RGPD3: variants seen among roughly 807,000 people sequenced by gnomAD.
RGPD3 encodes the protein ranBP2-like and GRIP domain-containing protein 3.
Under a neutral mutation model 154.5 loss-of-function variants are expected in RGPD3, and 62 were observed. That is an observed-to-expected ratio of 0.40 (90% confidence interval 0.33 to 0.50). RGPD3 has a LOEUF of 0.50. Among genes scored for constraint, RGPD3 ranks in the 20% least tolerant of loss-of-function variants. The probability of loss-of-function intolerance (pLI) is 0.59; values close to 1 mark genes in which losing one functional copy is unlikely to be tolerated. For synonymous variants in RGPD3, 308 were observed against 607.0 expected (o/e 0.51, Z 7.24); for missense variants, 919 against 1,716.8 (o/e 0.54, Z 8.21).
chr2:106,461,554 T>G (rs75076441), intron 1 of RGPD3, among the ~76,000 whole-genome samples: 8,887 of 151,922 alleles, frequency 0.058, 363 homozygotes, highest in Non-Finnish European at 0.087. Flanking sequence ...TTATATAATC[T>G]TCCATTCAAT....
At chr2:106,464,440 G>A (rs1335384089) in intron 1 of RGPD3, among the ~76,000 whole-genome samples, 1 of 151,176 alleles carries the variant, frequency 6.6e-6, no homozygotes, top group Non-Finnish European at 1.5e-5. Context: ...ATGAAGTATA[G>A]ATGTAAAGGG....
intron 21 of RGPD3, among the ~76,000 whole-genome samples, chr2:106,413,507 T>G (rs1676733353): frequency 6.6e-6 from 1 of 152,210 alleles, no homozygotes; most frequent in African/African-American, 2.4e-5. Context: ...AAACCGGAAC[T>G]CCAACTATGA....
Position 106,405,060 on chromosome 2 carries a change from A to T in RGPD3, c.*159T>A. ...GATGTACAAATATATGTAAATGCAA[A>T]CATATACACACTTTTTGACAAAAGA... is the stretch of plus-strand genomic sequence containing the variant. On this transcript the variant is annotated 3_prime_UTR_variant, in exon 23 of 23. Coordinates refer to ENST00000409886, the MANE Select transcript of RGPD3 (RefSeq NM_001144013.2). 5.2e-6 allele frequency: 4 copies of T among 769,756 alleles called. No homozygotes were observed. The South Asian group carries it at 5.5e-5, about 11-fold the overall frequency. 47.7% of individuals were successfully genotyped at this position (769,756 alleles called of 1,614,324 possible).
At chr2:106,442,030 T>C (rs990543893) in intron 7 of RGPD3, among the ~76,000 whole-genome samples, 1 of 99,404 alleles carries the variant, frequency 1.0e-5, no homozygotes, top group African/African-American at 4.1e-5. Flanking sequence ...AAGTTTTTTT[T>C]AATTAGCCAG....
chr2:106,462,041 GC>G (rs1397133331), intron 1 of RGPD3, among the ~76,000 whole-genome samples: 3 of 151,776 alleles, frequency 2.0e-5, no homozygotes, highest in Non-Finnish European at 4.4e-5. Context: ...ACACCACCAT[GC>G]CCAGCTAATT....
chr2:106,467,949 C>T (rs1433406754), intron 1 of RGPD3, among the ~76,000 whole-genome samples: 1 of 138,164 alleles, frequency 7.2e-6, no homozygotes, highest in Non-Finnish European at 1.6e-5. Flanking sequence ...GGAGCCATGA[C>T]GCCTGAGCCA....
At chr2:106,460,902 TAC>T (rs1178094854) in intron 1 of RGPD3, among the ~76,000 whole-genome samples, 4 of 19,060 alleles carry the variant, frequency 2.1e-4, no homozygotes, top group Admixed American at 8.4e-4. Context: ...ATCCATGTGA[TAC>T]AGAGTATACA....
chr2:106,415,697 A>AAAAAAAAAAAAAAAAAT (rs1491421236), intron 21 of RGPD3, among the ~76,000 whole-genome samples, 153 bp downstream of exon 21: 3 of 134,626 alleles, frequency 2.2e-5, no homozygotes, highest in African/African-American at 9.1e-5. Flanking sequence ...AAAAAAAAAA[A>AAAAAAAAAAAAAAAAAT]GGCAATATTT....
In RGPD3 at chr2:106,424,294, C is replaced by G. The variant is rs1466726584; in HGVS notation, c.3673G>C (p.Gly1225Arg). Residue 1225 changes from glycine (G) to arginine (R), a missense_variant, in exon 20 of 23, where the codon GGT becomes CGT. Physicochemically the swap from Gly to Arg is moderately radical, Grantham distance 125. Coordinates refer to ENST00000409886, the MANE Select transcript of RGPD3 (RefSeq NM_001144013.2). The part of the protein sequence containing the change: ...KVAEEENKGS[G>R]TGAAGASDTT... The stretch of plus-strand genomic sequence containing the variant: ...TCTGAGGCACCGGCCGCACCTGTAC[C>G]TGAACCCTTATTTTCTTCCTCAGCG... 9 of 1,611,872 alleles carry G rather than the reference C, an allele frequency of 5.6e-6. No individual in the cohort carries two copies. The highest frequency in any genetic ancestry group is 7.6e-6 in the Non-Finnish European group (9 of 1,179,880).
chr2:106,468,499 C>T (rs1202261891), upstream of RGPD3: 1 of 982,814 alleles, frequency 1.0e-6, no homozygotes, highest in South Asian at 1.7e-5. Flanking sequence ...CTTGGCAGCA[C>T]CCTGTGCTCT....
intron 6 of RGPD3, among the ~76,000 whole-genome samples, chr2:106,451,936 T>C (rs1369833669): frequency 1.4e-5 from 2 of 147,284 alleles, no homozygotes; most frequent in Non-Finnish European, 3.0e-5. Flanking sequence ...AGCTTGACTA[T>C]GACAAAACTG....
chr2:106,457,215 A>C lies in RGPD3; in HGVS notation c.253-92T>G, dbSNP rs1678257148. ...CTTATATACTTATATATAAAGGTTA[A>C]AAATTATCACTCCAACCCTTAAAAA... On this transcript the variant is annotated intron_variant, in intron 3 of 22. Transcript: ENST00000409886. 1.1e-5 allele frequency: 17 copies of C among 1,506,922 alleles called. No homozygotes were observed. The South Asian group carries it at 2.1e-4, about 18-fold the overall frequency. The allele number at this position is 1,506,922 out of a possible 1,614,324, so 93.3% of individuals were successfully genotyped here.
intron 20 of RGPD3, among the ~76,000 whole-genome samples, chr2:106,418,113 C>G (rs1268450509): frequency 7.0e-6 from 1 of 143,562 alleles, no homozygotes; most frequent in Non-Finnish European, 1.5e-5. Flanking sequence ...GGTGACAGAG[C>G]AAGACTCCAG....
At position 106,457,049 on chromosome 2, in the gene RGPD3, A is replaced by G; in HGVS notation, c.327T>C (p.Val109=). The G allele has an allele frequency of 3.7e-6, 6 of 1,611,632 alleles. No individual in the cohort carries two copies. The highest frequency in any genetic ancestry group is 3.4e-6 in the Non-Finnish European group (4 of 1,179,636). ...KIAELLCKND[V]TDGRAEYWVE... is the part of the protein sequence containing the mutation. ...CCCAGTATTCTGCTCTTCCATCAGTAACATCATTTTTACAAAGCAATTCTG... is the reference window on the plus strand; with the variant it reads ...CCCAGTATTCTGCTCTTCCATCAGTGACATCATTTTTACAAAGCAATTCTG... Residue 109 remains valine (V), a synonymous_variant, in exon 4 of 23, where the codon GTT becomes GTC. Coordinates refer to ENST00000409886, the MANE Select transcript of RGPD3 (RefSeq NM_001144013.2).
intron 1 of RGPD3, among the ~76,000 whole-genome samples, chr2:106,461,768 G>A (rs1012823446): frequency 2.6e-5 from 4 of 151,624 alleles, no homozygotes; most frequent in African/African-American, 4.8e-5. Flanking sequence ...ATTACAAAAC[G>A]TTGCTCAATG....
In RGPD3 at chr2:106,436,114, A is replaced by C. The variant is rs1221529292; in HGVS notation, c.1758+9T>G. On this transcript the variant is annotated intron_variant, in intron 12 of 22. Transcript: ENST00000409886. Reference sequence around the variant, plus strand: ...TGTTCTTTTAAAATGCTTATACTTTAAAACTCACCATTTTCTGAAGGCATT... The same window carrying C: ...TGTTCTTTTAAAATGCTTATACTTTCAAACTCACCATTTTCTGAAGGCATT... The C allele has an allele frequency of 6.2e-6, 10 of 1,601,794 alleles. No individual in the cohort carries two copies. Among genetic ancestry groups the C allele is most frequent in the Non-Finnish European group, 8.5e-6 (10 of 1,176,876 alleles).
chr2:106,423,940 C>G lies in RGPD3; in HGVS notation c.4027G>C (p.Asp1343His). The G allele has an allele frequency of 6.2e-7, 1 of 1,611,792 alleles. No homozygotes were observed. The highest frequency in any genetic ancestry group is 1.1e-5 in the South Asian group (1 of 90,966). The change falls in exon 20 of 23, where the codon GAT (aspartate) becomes CAT (histidine). Residue 1343 changes from aspartate to histidine, a missense_variant. By Grantham distance (81) the Asp-to-His change is moderately conservative. Transcript: ENST00000409886. ...QYFEPVVPLP[D>H]LVEVSSGEEN... ...TCACCACTGGATACTTCAACTAGAT[C>G]AGGTAAAGGAACAACAGGTTCAAAG... is the stretch of plus-strand genomic sequence containing the variant.
intron 8 of RGPD3, among the ~76,000 whole-genome samples, chr2:106,439,861 C>T (rs1398581650): frequency 1.4e-5 from 2 of 138,262 alleles, no homozygotes; most frequent in East Asian, 2.1e-4. Flanking sequence ...GTAAGACTGT[C>T]TCAGGAAAAA....
In RGPD3 at chr2:106,464,222, C is replaced by T. The variant is rs2083403; in HGVS notation, c.72+3995G>A. ...TTAGCCGGGTGTTGTGGCGGGTGCC[C>T]GTAGTCCCAGCTACAGGCTGGGGCA... On this transcript the variant is annotated intron_variant, in intron 1 of 22. Transcript: ENST00000409886. Among the ~76,000 whole-genome samples, 786 of 129,900 alleles carry T rather than the reference C, an allele frequency of 6.1e-3. 4 individuals are homozygous for T. The highest frequency in any genetic ancestry group is 0.043 in the Middle Eastern group (9 of 210). 85.2% of individuals were successfully genotyped at this position (129,900 alleles called of 152,430 possible).
Sources: allele counts gnomAD v4.1 joint callset (sites outside exome capture counted in the v4.1 genomes callset), GRCh38; gene constraint gnomAD v4.1.1; transcripts MANE v1.5; gene names NCBI Gene and HGNC (gene_info 2026-07-23, HGNC 2026-07-21).